Variants in AKAP13 observed in about 807,000 individuals in gnomAD.
AKAP13 encodes the protein A-kinase anchor protein 13.
In AKAP13, 80 loss-of-function variants were observed where a neutral mutation model predicts 264.5. That is an observed-to-expected ratio of 0.30 (90% CI 0.25 to 0.36). AKAP13 has a LOEUF of 0.36. Among genes scored for constraint, AKAP13 ranks in the 10% least tolerant of loss-of-function variants. The pLI is 1.00. For synonymous variants in AKAP13, 1,380 were observed against 1,250.2 expected, an observed-to-expected ratio of 1.10 and a Z score of -2.19; for missense variants, 3,712 against 3,435.2, an observed-to-expected ratio of 1.08 and a Z score of -2.01.
chr15:85,485,185 T>C (rs1327400939), intron 1 of AKAP13, among the ~76,000 whole-genome samples: 1 of 152,202 alleles, frequency 6.6e-6, no homozygotes, highest in Non-Finnish European at 1.5e-5. Context: ...GGAATCCAGC[T>C]ATTAACTTTG....
intron 2 of AKAP13, among the ~76,000 whole-genome samples, chr15:85,516,126 C>T (rs2076589708): frequency 6.6e-6 from 1 of 152,186 alleles, no homozygotes; most frequent in Non-Finnish European, 1.5e-5. Context: ...ACTTACTAGT[C>T]TAGACAAAGC....
chr15:85,523,526 T>G, intron 3 of AKAP13, among the ~76,000 whole-genome samples: 1 of 152,138 alleles, frequency 6.6e-6, no homozygotes, highest in East Asian at 1.9e-4. Context: ...CTATCCCCCT[T>G]TCCTGCTTTA....
chr15:85,611,700 C>T (rs147303362), intron 8 of AKAP13, among the ~76,000 whole-genome samples: 3 of 152,302 alleles, frequency 2.0e-5, no homozygotes, highest in Non-Finnish European at 2.9e-5. Context: ...AACAACTCTT[C>T]GATTGCTTTT....
intron 4 of AKAP13, among the ~76,000 whole-genome samples, chr15:85,537,394 A>T (rs979825): frequency 0.48 from 73,017 of 152,106 alleles, 18,135 homozygotes; most frequent in Middle Eastern, 0.61. Flanking sequence ...ATGTTTAGAG[A>T]TATTCTAGCC....
At chr15:85,642,989 C>T (rs143178414) in intron 9 of AKAP13, among the ~76,000 whole-genome samples, 3 of 151,134 alleles carry the variant, frequency 2.0e-5, no homozygotes, top group Non-Finnish European at 4.4e-5. Flanking sequence ...CCACCAACTC[C>T]TCCTAGGTTA....
intron 5 of AKAP13, among the ~76,000 whole-genome samples, chr15:85,556,403 C>A (rs1490478092): frequency 6.6e-6 from 1 of 152,182 alleles, no homozygotes; most frequent in African/African-American, 2.4e-5. Flanking sequence ...TAGGAATTTT[C>A]CAGCTGCATT....
chr15:85,585,966 G>A (rs559081655), intron 8 of AKAP13, 143 bp downstream of exon 8: 87 of 1,153,834 alleles, frequency 7.5e-5, no homozygotes, highest in African/African-American at 2.0e-4. Flanking sequence ...TTATATAAAT[G>A]TGTTTATGTT....
intron 32 of AKAP13, 99 bp downstream of exon 32, chr15:85,735,729 A>G: frequency 3.4e-6 from 4 of 1,164,088 alleles, no homozygotes; most frequent in South Asian, 1.4e-5. Context: ...TCGATGCCTG[A>G]ATTGCTGCTT....
chr15:85,499,021 T>C (rs1184619770), intron 2 of AKAP13, among the ~76,000 whole-genome samples: 3 of 152,216 alleles, frequency 2.0e-5, no homozygotes, highest in African/African-American at 7.2e-5. Context: ...TACATTTACA[T>C]TTTTCAACAC....
chr15:85,508,094 C>T (rs1019692603), intron 2 of AKAP13, among the ~76,000 whole-genome samples: 1 of 152,038 alleles, frequency 6.6e-6, no homozygotes, highest in Non-Finnish European at 1.5e-5. Context: ...AGGAATGAGC[C>T]CTGAGTAATA....
In AKAP13 at chr15:85,691,882, G is replaced by A. The variant is rs191022071; in HGVS notation, c.5290-1395G>A. 3.6e-4 allele frequency: 177 copies of A among 488,642 alleles called. No individual in the cohort carries two copies. In the East Asian group the frequency reaches 0.01, roughly 29 times the overall value. The allele number at this position is 488,642 out of a possible 1,614,324, so 30.3% of individuals were successfully genotyped here. A position where few individuals can be genotyped will look rare whatever the true frequency, so the allele number is the denominator to read the frequency against. On this transcript the variant is annotated intron_variant, in intron 16 of 36. Transcript: ENST00000394518. ...AAAAGAGGTCAGAGAGCACGGCGTA[G>A]GAAGCTTATCTTTCCAACCTAGGGA...
chr15:85,679,295 A>G lies in AKAP13; in HGVS notation c.5102-2863A>G, dbSNP rs1204421148. On this transcript the variant is annotated intron_variant, in intron 14 of 36. Coordinates refer to ENST00000394518, the MANE Select transcript of AKAP13 (RefSeq NM_007200.5). ...CCTGCTAATACAGAATTATGATCCT[A>G]TAACAGCACTGGTCATTCAGTTAAT... Among the ~76,000 whole-genome samples, 3 of 152,158 alleles carry G rather than the reference A, an allele frequency of 2.0e-5. No individual in the cohort carries two copies. In the East Asian group the frequency reaches 5.8e-4, roughly 29 times the overall value.
Position 85,553,181 on chromosome 15 carries a change from G to A in AKAP13, c.662+9226G>A, listed in dbSNP as rs1444113030. On this transcript the variant is annotated intron_variant, in intron 5 of 36. Transcript: ENST00000394518. ...AGCTCACTGCAACCTCCACCTCCCA[G>A]ATGCAAACAATTCTCCTGCCTTGGC... 2.8e-5 allele frequency among the ~76,000 whole-genome samples: 4 copies of A among 145,380 alleles called. No individual in the cohort carries two copies. In the East Asian group the frequency reaches 8.3e-4, roughly 30 times the overall value.
chr15:85,700,485 G>T (rs1236255340), intron 17 of AKAP13, among the ~76,000 whole-genome samples: 1 of 152,182 alleles, frequency 6.6e-6, no homozygotes, highest in East Asian at 1.9e-4. Flanking sequence ...GATGCCAGAG[G>T]TACCCGTGGA....
intron 2 of AKAP13, among the ~76,000 whole-genome samples, chr15:85,505,202 C>T (rs1446013566): frequency 6.6e-6 from 1 of 152,020 alleles, no homozygotes; most frequent in African/African-American, 2.4e-5. Context: ...GTCTGAAATC[C>T]CTGTTAGAAC....
At chr15:85,435,283 A>G (rs1265415604) in intron 1 of AKAP13, among the ~76,000 whole-genome samples, 1 of 144,178 alleles carries the variant, frequency 6.9e-6, no homozygotes, top group African/African-American at 2.6e-5. Flanking sequence ...ATAAAAAGAA[A>G]TGAGCAAAGC....
At chr15:85,673,220 A>G (rs565402385) in intron 14 of AKAP13, among the ~76,000 whole-genome samples, 8 of 152,294 alleles carry the variant, frequency 5.3e-5, no homozygotes, top group South Asian at 2.1e-4. Context: ...TAAAAAATCT[A>G]CTGATGTAAA....
intron 1 of AKAP13, among the ~76,000 whole-genome samples, chr15:85,472,102 G>T (rs891276228): frequency 6.6e-6 from 1 of 151,752 alleles, no homozygotes. Context: ...TTTTTATGCT[G>T]TTACAATTAT....
In AKAP13 at chr15:85,418,234, C is replaced by G. The variant is rs551205241; in HGVS notation, c.-12+37436C>G. On this transcript the variant is annotated intron_variant, in intron 1 of 36. Coordinates refer to ENST00000394518, the MANE Select transcript of AKAP13 (RefSeq NM_007200.5). The stretch of plus-strand genomic sequence containing the variant: ...GGGACTACAGGCGTGCGCCACCATG[C>G]CTGTCTAATTATTTTATATTTTGTT... Among the ~76,000 whole-genome samples the G allele has an allele frequency of 2.0e-5, 3 of 152,090 alleles. No individual in the cohort carries two copies. The South Asian group carries it at 6.2e-4, about 32-fold the overall frequency.
Sources: gnomAD v4.1 joint callset for allele counts (sites outside exome capture counted in the v4.1 genomes callset) on GRCh38, gnomAD v4.1.1 for gene constraint, MANE v1.5 for transcripts, NCBI Gene and HGNC (gene_info 2026-07-23, HGNC 2026-07-21) for gene names.